The following SIAH1 variants were observed in gnomAD, a reference collection of about 807,000 sequenced individuals.
SIAH1 encodes E3 ubiquitin-protein ligase SIAH1.
A neutral mutation model predicts 20.0 loss-of-function variants in SIAH1; 2 were observed. The ratio of observed to expected loss-of-function variants is 0.10; its 90% CI spans 0.04 to 0.31. The LOEUF is 0.31. SIAH1 is among the 10% of genes least tolerant of loss of function. The probability of loss-of-function intolerance (pLI) is 1.00; values close to 1 mark genes in which losing one functional copy is unlikely to be tolerated. For missense variants in SIAH1, 119 were observed against 355.3 expected (o/e 0.33, Z 5.35); for synonymous variants, 118 against 125.3 (o/e 0.94, Z 0.39).
chr16:48,379,719 C>T (rs1484090646), intron 1 of SIAH1, among the ~76,000 whole-genome samples: 2 of 152,124 alleles, frequency 1.3e-5, no homozygotes, highest in Non-Finnish European at 2.9e-5. Context: ...ACAGTGGGAC[C>T]GAGCAGAGTG....
chr16:48,376,637 GC>G (rs1213558495), intron 1 of SIAH1, among the ~76,000 whole-genome samples: 3 of 152,008 alleles, frequency 2.0e-5, no homozygotes, highest in Non-Finnish European at 4.4e-5. Context: ...GATTACTGGC[GC>G]CCGGCACTAC....
chr16:48,371,154 G>A (rs1370405502), intron 1 of SIAH1, among the ~76,000 whole-genome samples: 1 of 150,702 alleles, frequency 6.6e-6, no homozygotes, highest in Non-Finnish European at 1.5e-5. Context: ...GCTGGCACAT[G>A]CCTGTAGTCT....
At chr16:48,365,370 C>T in intron 1 of SIAH1, 1 of 1,613,528 alleles carries the variant, frequency 6.2e-7, no homozygotes, top group Non-Finnish European at 8.5e-7. Flanking sequence ...AGCAAACCAT[C>T]CTCTTAATGT....
upstream of SIAH1, chr16:48,387,072 C>G (rs1597038843): frequency 1.3e-5 from 2 of 152,222 alleles, no homozygotes; most frequent in Non-Finnish European, 2.9e-5. Context: ...CTAGTGGATT[C>G]TCTTAAACTG....
At chr16:48,384,428 A>G (rs1206681764) in intron 1 of SIAH1, among the ~76,000 whole-genome samples, 1 of 152,192 alleles carries the variant, frequency 6.6e-6, no homozygotes, top group Non-Finnish European at 1.5e-5. Flanking sequence ...ACTTTAAGTT[A>G]TAAATTTGGG....
At chr16:48,376,639 C>A (rs1422967573) in intron 1 of SIAH1, among the ~76,000 whole-genome samples, 1 of 152,074 alleles carries the variant, frequency 6.6e-6, no homozygotes, top group Non-Finnish European at 1.5e-5. Flanking sequence ...TTACTGGCGC[C>A]CGGCACTACA....
chr16:48,381,660 A>G (rs1961296920), intron 1 of SIAH1, among the ~76,000 whole-genome samples: 1 of 152,218 alleles, frequency 6.6e-6, no homozygotes, highest in Non-Finnish European at 1.5e-5. Context: ...TGAAAAGGCT[A>G]CATATTTTAA....
chr16:48,373,063 G>A (rs528019699), intron 1 of SIAH1, among the ~76,000 whole-genome samples: 20 of 152,114 alleles, frequency 1.3e-4, no homozygotes, highest in African/African-American at 4.3e-4. Flanking sequence ...CCAAATTATT[G>A]AAATTGTAGC....
intron 1 of SIAH1, among the ~76,000 whole-genome samples, chr16:48,369,237 T>C (rs1429258154): frequency 1.3e-5 from 2 of 152,228 alleles, no homozygotes; most frequent in Non-Finnish European, 2.9e-5. Context: ...CCTCCATTTT[T>C]CCTGAAGATA....
chr16:48,385,011 G>A (rs1370392223), intron 1 of SIAH1, among the ~76,000 whole-genome samples, 193 bp downstream of exon 1: 2 of 147,912 alleles, frequency 1.4e-5, no homozygotes, highest in East Asian at 2.0e-4. Context: ...AAGGCTGAAG[G>A]CAGGGGAGGG....
chr16:48,361,460 T>C lies in SIAH1; in HGVS notation c.*120A>G. Reference sequence around the variant, plus strand: ...GTATTTAACAGCCTTTCTTTTTATTTACCTTCATGTGTCTAGCTTCCACCT... The same window carrying C: ...GTATTTAACAGCCTTTCTTTTTATTCACCTTCATGTGTCTAGCTTCCACCT... On this transcript the variant is annotated 3_prime_UTR_variant, in exon 2 of 2. Coordinates refer to ENST00000394725, the MANE Select transcript of SIAH1 (RefSeq NM_003031.4). 1 of 902,130 alleles carries C rather than the reference T, an allele frequency of 1.1e-6. No homozygotes were observed. Among genetic ancestry groups the C allele is most frequent in the Non-Finnish European group, 1.7e-6 (1 of 577,758 alleles). 55.9% of individuals were successfully genotyped at this position (902,130 alleles called of 1,614,324 possible).
chr16:48,365,237 A>C, intron 1 of SIAH1: 1 of 787,782 alleles, frequency 1.3e-6, no homozygotes. Context: ...ATTTAAACAG[A>C]AAAAAGAACA....
At chr16:48,375,594 G>C (rs1195291273) in intron 1 of SIAH1, among the ~76,000 whole-genome samples, 2 of 151,914 alleles carry the variant, frequency 1.3e-5, no homozygotes, top group Non-Finnish European at 2.9e-5. Context: ...GATGAGATCA[G>C]GCCAACTGCA....
At chr16:48,368,823 TATAAA>T (rs1380021877) in intron 1 of SIAH1, among the ~76,000 whole-genome samples, 7 of 152,098 alleles carry the variant, frequency 4.6e-5, no homozygotes, top group Non-Finnish European at 1.0e-4. Context: ...AACAATAAAA[TATAAA>T]ATAAAATTAT....
At chr16:48,372,018 C>T (rs1960996971) in intron 1 of SIAH1, among the ~76,000 whole-genome samples, 1 of 152,078 alleles carries the variant, frequency 6.6e-6, no homozygotes, top group Admixed American at 6.6e-5. Flanking sequence ...CACACACACA[C>T]ACACAGAGAA....
At chr16:48,365,433 TC>T in intron 1 of SIAH1, 1 of 1,613,750 alleles carries the variant, frequency 6.2e-7, no homozygotes, top group Admixed American at 1.7e-5. Flanking sequence ...TGAACAAGAC[TC>T]CCCTCCAGGA....
In SIAH1 at chr16:48,362,618, A is replaced by G. The variant is rs1313894052; in HGVS notation, c.-2-188T>C. 3.0e-5 allele frequency: 18 copies of G among 603,278 alleles called. No individual in the cohort carries two copies. The highest frequency in any genetic ancestry group is 2.9e-6 in the Non-Finnish European group (1 of 340,822). 37.4% of individuals were successfully genotyped at this position (603,278 alleles called of 1,614,324 possible). On this transcript the variant is annotated intron_variant, in intron 1 of 1. Transcript: ENST00000394725. This position sits in a 1 kb window ranked among gnomAD's most constrained non-coding sequence, Gnocchi z 4.2. ...TACACTGAATGTGCACTTTATTAGG[A>G]TCTGTACACTGGATAAGCTCTCTTT... is the stretch of plus-strand genomic sequence containing the variant.
In SIAH1 at chr16:48,361,462, CCT is replaced by C; in HGVS notation, c.*116_*117del. ...ATTTAACAGCCTTTCTTTTTATTTA[CCT>C]TCATGTGTCTAGCTTCCACCTACCG... On this transcript the variant is annotated 3_prime_UTR_variant, in exon 2 of 2. Transcript: ENST00000394725. 1 of 928,116 alleles carries C rather than the reference CCT, an allele frequency of 1.1e-6. No homozygotes were observed. The highest frequency in any genetic ancestry group is 1.7e-6 in the Non-Finnish European group (1 of 595,038). The allele number at this position is 928,116 out of a possible 1,614,324, so 57.5% of individuals were successfully genotyped here. A position where few individuals can be genotyped will look rare whatever the true frequency, so the allele number is the denominator to read the frequency against.
In SIAH1 at chr16:48,365,442, G is replaced by T. The variant is rs759279175; in HGVS notation, c.-2-3012C>A. On this transcript the variant is annotated intron_variant, in intron 1 of 1. Coordinates refer to ENST00000394725, the MANE Select transcript of SIAH1 (RefSeq NM_003031.4). ...AACATGTGAACAAGACTCCCCTCCAGGAGTACAGAGAAGGTGGAGTAGCCT... is the reference window on the plus strand; with the variant it reads ...AACATGTGAACAAGACTCCCCTCCATGAGTACAGAGAAGGTGGAGTAGCCT... 11 of 1,613,810 alleles carry T rather than the reference G, an allele frequency of 6.8e-6. No individual in the cohort carries two copies. In the African/African-American group the frequency reaches 1.3e-4, roughly 20 times the overall value.
Sources: allele counts gnomAD v4.1 joint callset (sites outside exome capture counted in the v4.1 genomes callset), GRCh38; gene constraint gnomAD v4.1.1; non-coding constraint Gnocchi (gnomAD v3.1); transcripts MANE v1.5; gene names NCBI Gene and HGNC (gene_info 2026-07-23, HGNC 2026-07-21).